Variants in SDK2 observed in about 807,000 individuals in gnomAD.
SDK2 encodes sidekick cell adhesion molecule 2, also known as protein sidekick-2.
Under a neutral mutation model 253.9 loss-of-function variants are expected in SDK2, and 105 were observed. That is an observed-to-expected ratio of 0.41 (90% CI 0.35 to 0.49). SDK2 has a LOEUF of 0.49. SDK2 is among the 20% of genes least tolerant of loss of function. The pLI is 0.06. For missense variants in SDK2, 2,608 were observed against 3,003.0 expected (o/e 0.87, Z 3.07); for synonymous variants, 1,249 against 1,234.9 (o/e 1.01, Z -0.24).
At chr17:73,593,307 G>A (rs2045710018) in intron 1 of SDK2, among the ~76,000 whole-genome samples, 1 of 152,192 alleles carries the variant, frequency 6.6e-6, no homozygotes, top group South Asian at 2.1e-4. Flanking sequence ...GGGCTACTGT[G>A]AGGCCCAAAA....
chr17:73,644,039 G>C lies in SDK2; in HGVS notation c.50C>G (p.Ala17Gly), dbSNP rs1254106528. The change falls in exon 1 of 45, where the codon GCG (alanine) becomes GGG (glycine). Residue 17 changes from alanine to glycine, a missense_variant. Around this residue, in one of 2 missense-constraint regions of SDK2, gnomAD observed 1,505 missense variants for 1,859.1 expected, o/e 0.81. Coordinates refer to ENST00000392650, the MANE Select transcript of SDK2 (RefSeq NM_001144952.2). The surrounding 1 kb of genome is among the most constrained non-coding windows in gnomAD (Gnocchi z 6.3). ...TCCCTCCTTACCTTGGGCTCTGGCC[G>C]CGCGGATCTGATGCAGAGCTAGCAG... ...WTLLALHQIR[A>G]ARAQDDVSPY... The C allele has an allele frequency of 3.4e-6, 5 of 1,480,072 alleles. No homozygotes were observed. The Admixed American group carries it at 1.0e-4, about 31-fold the overall frequency. The allele number at this position is 1,480,072 out of a possible 1,614,324, so 91.7% of individuals were successfully genotyped here.
intron 1 of SDK2, among the ~76,000 whole-genome samples, chr17:73,610,920 C>T (rs1161999635): frequency 1.3e-5 from 2 of 152,050 alleles, no homozygotes; most frequent in African/African-American, 4.8e-5. Context: ...AACATGGGGG[C>T]CTGTGCCCCC....
intron 1 of SDK2, among the ~76,000 whole-genome samples, chr17:73,531,655 G>A (rs969359131): frequency 2.6e-5 from 4 of 152,142 alleles, no homozygotes; most frequent in African/African-American, 9.7e-5. Flanking sequence ...CTTAATTAAA[G>A]GTATTTCTAA....
At chr17:73,437,626 G>T in intron 8 of SDK2, 113 bp downstream of exon 8, 1 of 920,266 alleles carries the variant, frequency 1.1e-6, no homozygotes, top group Non-Finnish European at 1.8e-6. Context: ...CAGACTCTCT[G>T]CCTAGTGACA....
At chr17:73,422,165 CAGAGGCGGAAGCCT>C in intron 15 of SDK2, 108 bp downstream of exon 15, 1 of 1,092,734 alleles carries the variant, frequency 9.2e-7, no homozygotes, top group South Asian at 1.5e-5. Context: ...TCCCCTTCTA[CAGAGGCGGAAGCCT>C]AGAGGGGGCC....
Position 73,401,658 on chromosome 17 carries a change from G to C in SDK2, c.2775C>G (p.Leu925=). ...CAGAAACACTGCAGTGCCTACCTGT[G>C]AGGATGCCATTTTTCTCTCCCGGCT... ...WQEPGEKNGI[L]TGYRISWEEY... Residue 925 remains leucine, a synonymous_variant, in exon 20 of 45, where the codon CTC becomes CTG. Transcript: ENST00000392650. 6.3e-7 allele frequency: 1 copy of C among 1,587,594 alleles called. No homozygotes were observed. The highest frequency in any genetic ancestry group is 8.6e-7 in the Non-Finnish European group (1 of 1,165,562).
intron 1 of SDK2, among the ~76,000 whole-genome samples, chr17:73,628,228 G>A (rs937897016): frequency 1.3e-5 from 2 of 152,222 alleles, no homozygotes; most frequent in Non-Finnish European, 2.9e-5. Context: ...AGAGGAGGCA[G>A]GGGGGCCAGG....
At chr17:73,469,538 C>T (rs924777229) in intron 3 of SDK2, among the ~76,000 whole-genome samples, 11 of 152,226 alleles carry the variant, frequency 7.2e-5, no homozygotes, top group African/African-American at 2.2e-4. Flanking sequence ...GACCTTTGCC[C>T]ATGATCAGTG....
At chr17:73,505,977 C>A (rs2063932384) in intron 2 of SDK2, among the ~76,000 whole-genome samples, 1 of 152,234 alleles carries the variant, frequency 6.6e-6, no homozygotes. Context: ...GTGCCAGGGC[C>A]CCAGAAGAGC....
intron 16 of SDK2, 148 bp from the exon 17 acceptor site, chr17:73,416,140 A>G (rs943311452): frequency 1.7e-6 from 1 of 598,514 alleles, no homozygotes; most frequent in Non-Finnish European, 2.9e-6. Context: ...GGTGCCCGCC[A>G]GCACATGCAG....
intron 1 of SDK2, among the ~76,000 whole-genome samples, chr17:73,586,556 T>G (rs2045605907): frequency 1.3e-5 from 2 of 151,858 alleles, no homozygotes; most frequent in Admixed American, 6.6e-5. Flanking sequence ...GGTATCTCTG[T>G]GCACCCAGCC....
chr17:73,504,631 C>CAAA lies in SDK2; in HGVS notation c.224+2804_224+2806dup, dbSNP rs146981971. Among the ~76,000 whole-genome samples the CAAA allele has an allele frequency of 8.3e-3, 390 of 46,976 alleles. 31 individuals carry two copies. The highest frequency in any genetic ancestry group is 0.037 in the African/African-American group (358 of 9,678). The allele number at this position is 46,976 out of a possible 152,430, so 30.8% of individuals were successfully genotyped here. ...TGGGGGACAGAGCAAGACTCTGTCT[C>CAAA]AAAAAAAAAAAAAAAAAAAAAAAAG... On this transcript the variant is annotated intron_variant, in intron 2 of 44. Coordinates refer to ENST00000392650, the MANE Select transcript of SDK2 (RefSeq NM_001144952.2).
At position 73,481,772 on chromosome 17, in the gene SDK2, A is replaced by T. The variant is rs1300057206; in HGVS notation, c.225-9554T>A. ...CCGGCCTGCAGACTCTAGGACTTAC[A>T]CCCATGGGCTCTCGGTTTCCAGGCC... On this transcript the variant is annotated intron_variant, in intron 2 of 44. Coordinates refer to ENST00000392650, the MANE Select transcript of SDK2 (RefSeq NM_001144952.2). The surrounding 1 kb of genome is among the most constrained non-coding windows in gnomAD (Gnocchi z 4.5). Among the ~76,000 whole-genome samples the T allele has an allele frequency of 6.6e-6, 1 of 151,750 alleles. No individual in the cohort carries two copies. The highest frequency in any genetic ancestry group is 1.5e-5 in the Non-Finnish European group (1 of 67,918).
chr17:73,566,954 G>C (rs1417653744), intron 1 of SDK2, among the ~76,000 whole-genome samples: 1 of 151,716 alleles, frequency 6.6e-6, no homozygotes, highest in African/African-American at 2.4e-5. Flanking sequence ...TGCCTTTCCA[G>C]TGAGAAACCC....
chr17:73,492,102 A>C (rs535070212), intron 2 of SDK2, among the ~76,000 whole-genome samples: 1 of 152,110 alleles, frequency 6.6e-6, no homozygotes, highest in South Asian at 2.1e-4. Context: ...CCATGCTACC[A>C]AGGAGGAGAA....
At chr17:73,436,589 A>ATT (rs531502077) in intron 8 of SDK2, among the ~76,000 whole-genome samples, 2 of 96,172 alleles carry the variant, frequency 2.1e-5, no homozygotes, top group Non-Finnish European at 4.5e-5. Flanking sequence ...AAAAAAAAAA[A>ATT]AAAAAAAAAA....
chr17:73,419,850 C>T lies in SDK2; in HGVS notation c.2046-544G>A, dbSNP rs200991759. 8.7e-5 allele frequency among the ~76,000 whole-genome samples: 13 copies of T among 149,612 alleles called. No individual in the cohort carries two copies. The East Asian group carries it at 2.3e-3, about 27-fold the overall frequency. On this transcript the variant is annotated intron_variant, in intron 15 of 44. Transcript: ENST00000392650. ...AGTGAGCTGTGTTTGCATCACGGAA[C>T]TACAGCCTGGGAAACAGAGACCCTG...
chr17:73,338,864 G>A lies in SDK2; in HGVS notation c.6242C>T (p.Pro2081Leu). ...TCGCCGCCACGAGTTGTAGTATGTG[G>A]GGTCACTGATGTAGTGGTTGACAAA... The part of the protein sequence containing the change: ...HSFVNHYISD[P>L]TYYNSWRRQQ... The change falls in exon 45 of 45, where the codon CCC (proline) becomes CTC (leucine). Residue 2081 changes from proline to leucine, a missense_variant. Physicochemically the swap from Pro to Leu is moderately conservative, Grantham distance 98. Coordinates refer to ENST00000392650, the MANE Select transcript of SDK2 (RefSeq NM_001144952.2). This position sits in a 1 kb window ranked among gnomAD's most constrained non-coding sequence, Gnocchi z 5.0. 4 of 1,614,000 alleles carry A rather than the reference G, an allele frequency of 2.5e-6. No homozygotes were observed. In the East Asian group the frequency reaches 6.7e-5, roughly 27 times the overall value.
intron 3 of SDK2, among the ~76,000 whole-genome samples, chr17:73,459,780 C>T (rs530330050): frequency 1.9e-4 from 29 of 152,074 alleles, no homozygotes; most frequent in African/African-American, 6.0e-4. Context: ...GCTCTCACCT[C>T]GGTCTCCCAA....
Sources: gnomAD v4.1 joint callset for allele counts (sites outside exome capture counted in the v4.1 genomes callset) on GRCh38, gnomAD v4.1.1 for gene constraint, gnomAD v4.1.1 regional missense constraint, Gnocchi (gnomAD v3.1) non-coding constraint, MANE v1.5 for transcripts, NCBI Gene and HGNC (gene_info 2026-07-23, HGNC 2026-07-21) for gene names.